The following PPP3CC variants were observed in gnomAD, a reference collection of about 807,000 sequenced individuals.
PPP3CC encodes the protein protein phosphatase 3 catalytic subunit gamma, also known as serine/threonine-protein phosphatase 2B catalytic subunit gamma isoform.
A neutral mutation model predicts 60.3 loss-of-function variants in PPP3CC; 35 were observed. The ratio of observed to expected loss-of-function variants is 0.58; its 90% CI spans 0.44 to 0.77. The LOEUF is 0.77. Ranked by LOEUF, PPP3CC falls within the 30% of genes least tolerant of loss-of-function variation. The pLI, the probability that PPP3CC is intolerant of heterozygous loss-of-function variation, is 0.00. For synonymous variants in PPP3CC, 206 were observed against 224.3 expected (o/e 0.92, Z 0.73); for missense variants, 570 against 628.9 (o/e 0.91, Z 1.00).
intron 6 of PPP3CC, among the ~76,000 whole-genome samples, chr8:22,519,937 C>T (rs1022991018): frequency 2.6e-5 from 4 of 151,756 alleles, no homozygotes; most frequent in African/African-American, 2.4e-5. Context: ...ATTACAGGCA[C>T]GAGCCACTGT....
At chr8:22,528,375 T>G (rs759834529) in intron 9 of PPP3CC, 131 bp from the exon 10 acceptor site, 4 of 468,580 alleles carry the variant, frequency 8.5e-6, no homozygotes, top group Non-Finnish European at 1.5e-5. Flanking sequence ...TTATAGCTAT[T>G]CTTACTAACA....
intron 3 of PPP3CC, among the ~76,000 whole-genome samples, chr8:22,485,093 G>A (rs76499429): frequency 0.032 from 4,925 of 152,174 alleles, 284 homozygotes; most frequent in African/African-American, 0.11. Flanking sequence ...TGATCCTTAC[G>A]ATGTTTGAAC....
At position 22,506,216 on chromosome 8, in the gene PPP3CC, G is replaced by A. The variant is rs149003775; in HGVS notation, c.485-4870G>A. Among the ~76,000 whole-genome samples the A allele has an allele frequency of 2.4e-4, 36 of 151,866 alleles. No individual in the cohort carries two copies. The South Asian group carries it at 5.2e-3, about 22-fold the overall frequency. On this transcript the variant is annotated intron_variant, in intron 4 of 13. Coordinates refer to ENST00000240139, the MANE Select transcript of PPP3CC (RefSeq NM_005605.5). ...CTTGGGAGGCTGAAGTGGGAAGATC[G>A]CTTGAGCCCAAGAGTTTGAGACCAT...
intron 1 of PPP3CC, among the ~76,000 whole-genome samples, chr8:22,467,236 A>T (rs1837567430): frequency 6.6e-6 from 1 of 152,218 alleles, no homozygotes; most frequent in Admixed American, 6.5e-5. Flanking sequence ...TTATGTACTT[A>T]TGCATTGAGA....
chr8:22,479,756 A>AG (rs1389884662), intron 3 of PPP3CC, among the ~76,000 whole-genome samples: 3 of 151,726 alleles, frequency 2.0e-5, no homozygotes, highest in East Asian at 3.9e-4. Flanking sequence ...AAAAAAAAAA[A>AG]AAAAGAAAAG....
At chr8:22,457,867 G>A (rs1249865226) in intron 1 of PPP3CC, among the ~76,000 whole-genome samples, 16 of 152,158 alleles carry the variant, frequency 1.1e-4, no homozygotes, top group Admixed American at 9.8e-4. Context: ...CAAGGCGGGC[G>A]GATCACCTGA....
chr8:22,505,050 G>T (rs1473574794), intron 4 of PPP3CC, among the ~76,000 whole-genome samples: 1 of 140,328 alleles, frequency 7.1e-6, no homozygotes, highest in Non-Finnish European at 1.5e-5. Context: ...TTTTTGATAG[G>T]GAGTCTCGCT....
intron 6 of PPP3CC, among the ~76,000 whole-genome samples, chr8:22,514,051 G>A (rs1434835672): frequency 6.6e-6 from 1 of 152,110 alleles, no homozygotes; most frequent in Non-Finnish European, 1.5e-5. Flanking sequence ...TTCGAGACCA[G>A]CCTGGCCAAC....
At chr8:22,449,927 C>T (rs1274957228) in intron 1 of PPP3CC, among the ~76,000 whole-genome samples, 4 of 147,972 alleles carry the variant, frequency 2.7e-5, no homozygotes, top group Admixed American at 1.4e-4. Context: ...AATGCAGTGG[C>T]GCAATCTCGG....
intron 1 of PPP3CC, among the ~76,000 whole-genome samples, chr8:22,454,238 A>T (rs1016159482): frequency 6.6e-6 from 1 of 152,280 alleles, no homozygotes; most frequent in Non-Finnish European, 1.5e-5. Flanking sequence ...TTTTTTGTTA[A>T]AAATGAACAC....
At chr8:22,456,522 A>G (rs1279197712) in intron 1 of PPP3CC, among the ~76,000 whole-genome samples, 3 of 152,192 alleles carry the variant, frequency 2.0e-5, no homozygotes, top group Admixed American at 6.5e-5. Flanking sequence ...TGCCCGTGTC[A>G]GTATCCCACA....
rs559835167 is a variant in PPP3CC at position 22,540,324 on chromosome 8, T to A, written c.1352-291T>A. Among the ~76,000 whole-genome samples the A allele has an allele frequency of 7.9e-5, 12 of 152,348 alleles. No homozygotes were observed. The South Asian group carries it at 2.5e-3, about 32-fold the overall frequency. ...CTTTCTTAAAGGTACTGGGGCCCAG[T>A]AAGTACTTGTTAGCTTTTTGTTAGG... On this transcript the variant is annotated intron_variant, in intron 13 of 13. Transcript: ENST00000240139.
At chr8:22,535,985 G>T (rs983325522) in intron 12 of PPP3CC, among the ~76,000 whole-genome samples, 1 of 152,198 alleles carries the variant, frequency 6.6e-6, no homozygotes, top group Non-Finnish European at 1.5e-5. Context: ...GCCCGCCTCA[G>T]CCTCCCAAAG....
intron 3 of PPP3CC, 91 bp downstream of exon 3, chr8:22,475,715 C>T: frequency 8.1e-7 from 1 of 1,232,600 alleles, no homozygotes; most frequent in East Asian, 2.6e-5. Flanking sequence ...AAAATGAGAA[C>T]TCTGGCAGAA....
At chr8:22,445,662 T>C (rs1008530342) in intron 1 of PPP3CC, among the ~76,000 whole-genome samples, 2 of 152,202 alleles carry the variant, frequency 1.3e-5, no homozygotes, top group Non-Finnish European at 2.9e-5. Context: ...AGTGCTTATA[T>C]TAATATTTTG....
At chr8:22,498,794 A>G (rs1315431753) in intron 4 of PPP3CC, among the ~76,000 whole-genome samples, 2 of 152,206 alleles carry the variant, frequency 1.3e-5, no homozygotes, top group African/African-American at 4.8e-5. Context: ...TCTAACTGTG[A>G]CTACTGCTGT....
intron 10 of PPP3CC, among the ~76,000 whole-genome samples, chr8:22,530,109 C>T (rs1248931360): frequency 6.6e-6 from 1 of 152,198 alleles, no homozygotes; most frequent in Non-Finnish European, 1.5e-5. Flanking sequence ...GTTCTGCACT[C>T]ATGCTTCAGG....
At chr8:22,451,350 G>T (rs1563672342) in intron 1 of PPP3CC, among the ~76,000 whole-genome samples, 1 of 146,926 alleles carries the variant, frequency 6.8e-6, no homozygotes, top group Non-Finnish European at 1.5e-5. Context: ...TGGCCAGGCT[G>T]GTCTCAAACT....
At chr8:22,495,947 A>G (rs1212185101) in intron 3 of PPP3CC, among the ~76,000 whole-genome samples, 1 of 152,060 alleles carries the variant, frequency 6.6e-6, no homozygotes, top group African/African-American at 2.4e-5. Flanking sequence ...TCTTACCTAC[A>G]CCAAATTTTC....
Sources: gnomAD v4.1 joint callset for allele counts (sites outside exome capture counted in the v4.1 genomes callset) on GRCh38, gnomAD v4.1.1 for gene constraint, MANE v1.5 for transcripts, NCBI Gene and HGNC (gene_info 2026-07-23, HGNC 2026-07-21) for gene names.